Variants in UVRAG observed in about 807,000 individuals in gnomAD.
The protein encoded by UVRAG is UV radiation resistance-associated gene protein.
A neutral mutation model predicts 78.0 loss-of-function variants in UVRAG; 19 were observed. The observed-to-expected ratio is 0.24, with a 90% CI of 0.17 to 0.36. UVRAG has a LOEUF of 0.36. Among genes scored for constraint, UVRAG ranks in the 10% least tolerant of loss-of-function variants. UVRAG has a pLI of 1.00. For synonymous variants in UVRAG, 323 were observed against 324.6 expected, an observed-to-expected ratio of 1.00 and a Z score of 0.05; for missense variants, 740 against 853.8, an observed-to-expected ratio of 0.87 and a Z score of 1.66.
chr11:75,817,709 C>T (rs1198204867), intron 1 of UVRAG, among the ~76,000 whole-genome samples: 2 of 151,922 alleles, frequency 1.3e-5, no homozygotes, highest in African/African-American at 4.8e-5. Context: ...GATGAATTGT[C>T]ACCAAGGGAA....
chr11:75,932,361 T>G (rs1237084294), intron 6 of UVRAG, among the ~76,000 whole-genome samples: 5 of 152,114 alleles, frequency 3.3e-5, no homozygotes, highest in Admixed American at 6.6e-5. Flanking sequence ...CTTGGCTCAC[T>G]GCAACCTCTG....
chr11:76,066,023 C>A (rs191473845), intron 13 of UVRAG, among the ~76,000 whole-genome samples: 14 of 152,260 alleles, frequency 9.2e-5, no homozygotes, highest in African/African-American at 3.1e-4. Context: ...AACTCAGAAT[C>A]TTTTTTTGTA....
intron 6 of UVRAG, among the ~76,000 whole-genome samples, chr11:75,932,047 C>G (rs1948251735): frequency 6.6e-6 from 1 of 152,036 alleles, no homozygotes; most frequent in South Asian, 2.1e-4. Flanking sequence ...CTTTTTACCA[C>G]AAAGACCTGA....
intron 7 of UVRAG, among the ~76,000 whole-genome samples, chr11:75,975,772 A>T (rs553354387): frequency 6.6e-6 from 1 of 152,188 alleles, no homozygotes; most frequent in African/African-American, 2.4e-5. Context: ...TTGGGCTGAG[A>T]TGATGGGGTT....
intron 7 of UVRAG, among the ~76,000 whole-genome samples, chr11:75,972,676 A>T (rs919825880): frequency 4.6e-5 from 7 of 152,182 alleles, no homozygotes; most frequent in African/African-American, 1.7e-4. Context: ...GTAATTCTAG[A>T]CATTGGCTAC....
At chr11:75,907,472 C>G (rs999675513) in intron 5 of UVRAG, among the ~76,000 whole-genome samples, 1 of 151,648 alleles carries the variant, frequency 6.6e-6, no homozygotes, top group East Asian at 1.9e-4. Context: ...ACTGAGATGA[C>G]TGTGTGTGTT....
At chr11:76,105,477 A>G (rs926844410) in intron 13 of UVRAG, among the ~76,000 whole-genome samples, 18 of 152,152 alleles carry the variant, frequency 1.2e-4, no homozygotes, top group African/African-American at 4.1e-4. Context: ...GCCAGGTGCT[A>G]TGGCTTACAC....
At chr11:75,864,830 G>A (rs1946502614) in intron 3 of UVRAG, among the ~76,000 whole-genome samples, 1 of 152,146 alleles carries the variant, frequency 6.6e-6, no homozygotes, top group Admixed American at 6.5e-5. Flanking sequence ...TTTCACTCTG[G>A]TGAACTAAGT....
At chr11:75,828,803 A>T (rs71466373) in intron 1 of UVRAG, among the ~76,000 whole-genome samples, 27,200 of 85,182 alleles carry the variant, frequency 0.32, 4,257 homozygotes, top group Admixed American at 0.45. Context: ...ATATATATAT[A>T]TATTTTTTTT....
At chr11:76,090,582 AC>A (rs1265605296) in intron 13 of UVRAG, among the ~76,000 whole-genome samples, 1 of 152,178 alleles carries the variant, frequency 6.6e-6, no homozygotes, top group Non-Finnish European at 1.5e-5. Flanking sequence ...TCTTCAGTTG[AC>A]CTACCGTTAT....
chr11:75,862,592 T>C (rs375972158), intron 3 of UVRAG, among the ~76,000 whole-genome samples: 1 of 152,334 alleles, frequency 6.6e-6, no homozygotes, highest in East Asian at 1.9e-4. Flanking sequence ...GTTCCTTATG[T>C]CTAGAACACT....
intron 8 of UVRAG, chr11:75,983,745 A>G (rs1365830617): frequency 2.4e-6 from 1 of 416,406 alleles, no homozygotes; most frequent in African/African-American, 2.0e-5. Flanking sequence ...CCTAGGCTAT[A>G]TGGCTGTAAA....
chr11:76,111,006 A>G (rs922834802), intron 13 of UVRAG, among the ~76,000 whole-genome samples: 7 of 151,658 alleles, frequency 4.6e-5, no homozygotes, highest in Non-Finnish European at 8.8e-5. Context: ...GGCGCACACC[A>G]CCACACCTGG....
At position 76,143,848 on chromosome 11, in the gene UVRAG, G is replaced by A. The variant is rs1305055480; in HGVS notation, c.*2435G>A. Among the ~76,000 whole-genome samples the A allele has an allele frequency of 6.6e-6, 1 of 152,200 alleles. No individual in the cohort carries two copies. Among genetic ancestry groups the A allele is most frequent in the Non-Finnish European group, 1.5e-5 (1 of 68,026 alleles). On this transcript the variant is annotated 3_prime_UTR_variant, in exon 15 of 15. Transcript: ENST00000356136. ...AATCACTAAGAAAATTGTTTGCTTGGAAGATATAAGTTGAATTGGAAACTC... is the reference window on the plus strand; with the variant it reads ...AATCACTAAGAAAATTGTTTGCTTGAAAGATATAAGTTGAATTGGAAACTC...
At chr11:76,054,030 G>A (rs1422143931) in intron 12 of UVRAG, among the ~76,000 whole-genome samples, 1 of 151,728 alleles carries the variant, frequency 6.6e-6, no homozygotes, top group African/African-American at 2.4e-5. Context: ...TATAGGTTTG[G>A]TTTTCTTGTG....
intron 12 of UVRAG, among the ~76,000 whole-genome samples, chr11:76,046,970 T>TA (rs376258918): frequency 0.013 from 1,947 of 152,288 alleles, 44 homozygotes; most frequent in African/African-American, 0.044. Context: ...TTTATTTTGA[T>TA]AAAAAAACAT....
At chr11:75,903,310 C>A (rs1947548987) in intron 5 of UVRAG, among the ~76,000 whole-genome samples, 1 of 152,116 alleles carries the variant, frequency 6.6e-6, no homozygotes, top group African/African-American at 2.4e-5. Flanking sequence ...CTGTTAGAAA[C>A]CTTCCATGAG....
At chr11:75,924,228 G>C (rs1948038981) in intron 6 of UVRAG, among the ~76,000 whole-genome samples, 1 of 152,052 alleles carries the variant, frequency 6.6e-6, no homozygotes, top group Non-Finnish European at 1.5e-5. Context: ...TTTTTTAAAT[G>C]GTAGATTTTT....
intron 8 of UVRAG, among the ~76,000 whole-genome samples, chr11:75,999,626 G>A (rs555123180): frequency 7.0e-4 from 107 of 152,100 alleles, no homozygotes; most frequent in African/African-American, 2.4e-3. Context: ...TGATCTGCCC[G>A]CCTTGGCCTC....
Sources: allele counts gnomAD v4.1 joint callset (sites outside exome capture counted in the v4.1 genomes callset), GRCh38; gene constraint gnomAD v4.1.1; transcripts MANE v1.5; gene names NCBI Gene and HGNC (gene_info 2026-07-23, HGNC 2026-07-21).